FHL1: variants seen among roughly 807,000 people sequenced by gnomAD.
FHL1 encodes the protein four and a half LIM domains 1.
FHL1 carries 1 observed loss-of-function variant against 20.3 expected under a neutral mutation model. The ratio of observed to expected loss-of-function variants is 0.05; its 90% CI spans 0.02 to 0.23. The LOEUF (loss-of-function observed/expected upper bound fraction) is 0.23. FHL1 is among the 10% of genes least tolerant of loss of function. FHL1 has a pLI of 1.00. For synonymous variants in FHL1, 82 were observed against 88.9 expected (o/e 0.92, Z 0.44); for missense variants, 177 against 234.0 (o/e 0.76, Z 1.59).
upstream of FHL1, among the ~76,000 whole-genome samples, chrX:136,193,287 A>G (rs2073476555): frequency 8.9e-6 from 1 of 111,882 alleles, no homozygotes; most frequent in Admixed American, 9.4e-5. Flanking sequence ...GTGAATGAGG[A>G]AGTCCTGAAA....
upstream of FHL1, chrX:136,146,803 T>C (rs1211313147): frequency 9.1e-6 from 3 of 329,149 alleles, no homozygotes; most frequent in Non-Finnish European, 1.8e-5. Context: ...ACGCGCCGCT[T>C]TGCCATCGGT....
At chrX:136,153,308 CAT>C (rs1449900995) in intron 1 of FHL1, among the ~76,000 whole-genome samples, 1 of 108,675 alleles carries the variant, frequency 9.2e-6, no homozygotes, top group African/African-American at 3.4e-5. Flanking sequence ...AAAAGGACCA[CAT>C]GTTTAATTTC....
At chrX:136,190,740 A>T (rs1046677654) in intron 2 of FHL1, among the ~76,000 whole-genome samples, 1 of 111,903 alleles carries the variant, frequency 8.9e-6, no homozygotes, top group South Asian at 3.8e-4. Flanking sequence ...TTACATTGTC[A>T]TGAGTAAAGA....
intron 2 of FHL1, among the ~76,000 whole-genome samples, chrX:136,173,946 C>T (rs747868142): frequency 1.8e-5 from 2 of 111,661 alleles, no homozygotes; most frequent in South Asian, 7.6e-4. Context: ...GATCCGCCCA[C>T]TTCGGCCTCC....
chrX:136,180,311 C>A (rs1030861830), intron 2 of FHL1, among the ~76,000 whole-genome samples: 2 of 112,025 alleles, frequency 1.8e-5, no homozygotes, highest in African/African-American at 6.5e-5. Context: ...TGAATGAAAT[C>A]AAAGAATTGG....
chrX:136,200,757 C>T (rs1443374642), intron 1 of FHL1, among the ~76,000 whole-genome samples: 3 of 112,036 alleles, frequency 2.7e-5, no homozygotes, highest in East Asian at 2.8e-4. Context: ...ATGTTAGCAG[C>T]GGGGAATCTG....
At chrX:136,206,906 G>T in intron 2 of FHL1, 110 bp from the exon 3 acceptor site, 2 of 863,148 alleles carry the variant, frequency 2.3e-6, no homozygotes, top group Non-Finnish European at 3.4e-6. Context: ...AGGTGTAAGG[G>T]ACTGTGTCAT....
chrX:136,187,897 G>A (rs1471122943), intron 2 of FHL1, among the ~76,000 whole-genome samples: 1 of 111,822 alleles, frequency 8.9e-6, no homozygotes, highest in Non-Finnish European at 1.9e-5. Flanking sequence ...ATCTCACTAT[G>A]TTGCCCAGGC....
rs755068155 is a variant in FHL1, at chrX:136,207,166, G to T, written c.355G>T (p.Gly119Trp). 1.7e-6 allele frequency: 2 copies of T among 1,207,579 alleles called. No individual in the cohort carries two copies. The highest frequency in any genetic ancestry group is 4.3e-5 in the Admixed American group (2 of 46,002). ...TTREDSPKCK[G>W]CFKAIVAGDQ... ...TCGGGAGGACTCCCCCAAGTGCAAG[G>T]GGTGCTTCAAGGCCATTGTGGCAGG... The change falls in exon 3 of 6, where the codon GGG becomes TGG. Residue 119 changes from glycine (G) to tryptophan (W), a missense_variant. Coordinates refer to ENST00000370683, the MANE Select transcript of FHL1 (RefSeq NM_001159699.2).
intron 2 of FHL1, among the ~76,000 whole-genome samples, chrX:136,188,859 A>G (rs1351316768): frequency 9.0e-6 from 1 of 111,311 alleles, no homozygotes; most frequent in African/African-American, 3.3e-5. Context: ...CGGCACAAAC[A>G]GCCTCATCTC....
chrX:136,190,429 T>G (rs2073406299), intron 2 of FHL1, among the ~76,000 whole-genome samples: 1 of 111,980 alleles, frequency 8.9e-6, no homozygotes, highest in Admixed American at 9.5e-5. Context: ...TAGCCAAAGT[T>G]TATCCATAAA....
chrX:136,168,868 G>A (rs761311622), upstream of FHL1, among the ~76,000 whole-genome samples: 1 of 111,541 alleles, frequency 9.0e-6, no homozygotes, highest in African/African-American at 3.3e-5. Flanking sequence ...AGCATAGGGT[G>A]GGAGGGGTGG....
intron 1 of FHL1, among the ~76,000 whole-genome samples, chrX:136,205,291 G>A (rs2073812384): frequency 9.0e-6 from 1 of 111,549 alleles, no homozygotes; most frequent in Non-Finnish European, 1.9e-5. Context: ...CAGCCGGGGA[G>A]GGGACCAGGG....
chrX:136,158,439 T>A (rs1462883896), intron 1 of FHL1, among the ~76,000 whole-genome samples: 2 of 111,883 alleles, frequency 1.8e-5, no homozygotes, highest in African/African-American at 6.5e-5. Flanking sequence ...CTCTTGCCAC[T>A]CTCGATTTCT....
exon 1 of FHL1, chrX:136,169,677 A>C: frequency 3.3e-6 from 1 of 299,357 alleles, no homozygotes; most frequent in Middle Eastern, 1.1e-3. Context: ...CTTGATAATG[A>C]GGGAGCCAGA....
upstream of FHL1, among the ~76,000 whole-genome samples, chrX:136,192,380 T>G (rs2073449730): frequency 1.8e-5 from 2 of 111,331 alleles, no homozygotes; most frequent in Non-Finnish European, 3.8e-5. Flanking sequence ...CAAGAGACAT[T>G]TAAAACTGTT....
rs1556638919 is a variant in FHL1, at chrX:136,207,167, G to T, written c.356G>T (p.Gly119Val). ...CGGGAGGACTCCCCCAAGTGCAAGG[G>T]GTGCTTCAAGGCCATTGTGGCAGGT... is the stretch of plus-strand genomic sequence containing the variant. ...TTREDSPKCK[G>V]CFKAIVAGDQ... Residue 119 changes from glycine (G) to valine (V), a missense_variant, in exon 3 of 6, where the codon GGG becomes GTG. Coordinates refer to ENST00000370683, the MANE Select transcript of FHL1 (RefSeq NM_001159699.2). 1 of 1,206,751 alleles carries T rather than the reference G, an allele frequency of 8.3e-7. No individual in the cohort carries two copies.
rs2073581341 is a variant in FHL1 at position 136,197,262 on chromosome X, CTTGTCTCTGTTTTGCCT to C, written c.22+132_22+148del. ...TGTCTGAATAGTAAATAAATTATAG[CTTGTCTCTGTTTTGCCT>C]TTGCCTTTCATGCTATTTCAAAGAC... On this transcript the variant is annotated intron_variant, in intron 1 of 5. Transcript: ENST00000370683. 1.3e-5 allele frequency: 8 copies of C among 619,529 alleles called. No homozygotes were observed. The South Asian group carries it at 2.6e-4, about 20-fold the overall frequency. The allele number at this position is 619,529 out of a possible 1,213,427, so 51.1% of individuals were successfully genotyped here. A position where few individuals can be genotyped will look rare whatever the true frequency, so the allele number is the denominator to read the frequency against.
chrX:136,207,657 T>G, intron 3 of FHL1, 135 bp from the exon 4 acceptor site: 1 of 641,079 alleles, frequency 1.6e-6, no homozygotes, highest in Non-Finnish European at 2.5e-6. Flanking sequence ...CACAGGTAGG[T>G]TAGTTGGAGG....
Sources: allele counts gnomAD v4.1 joint callset (sites outside exome capture counted in the v4.1 genomes callset), GRCh38; gene constraint gnomAD v4.1.1; transcripts MANE v1.5; gene names NCBI Gene and HGNC (gene_info 2026-07-23, HGNC 2026-07-21).